The following NXPE2 variants were observed in gnomAD, a reference collection of about 807,000 sequenced individuals.
The protein encoded by NXPE2 is NXPE family member 2.
Under a neutral mutation model 34.4 loss-of-function variants are expected in NXPE2, and 34 were observed. That is an observed-to-expected ratio of 0.99 (90% CI 0.75 to 1.31). The LOEUF (loss-of-function observed/expected upper bound fraction) is 1.31, where lower values mean the gene tolerates loss of function less well. NXPE2 is among the 40% of genes most tolerant of loss of function. The pLI, the probability that NXPE2 is intolerant of heterozygous loss-of-function variation, is 0.00. For missense variants in NXPE2, 649 were observed against 672.5 expected (o/e 0.97, Z 0.39); for synonymous variants, 235 against 231.3 (o/e 1.02, Z -0.15).
the NXPE2 span, among the ~76,000 whole-genome samples, chr11:114,797,956 A>G: frequency 1.3e-5 from 2 of 152,298 alleles, no homozygotes; most frequent in South Asian, 2.1e-4. Context: ...GAAACAGCCA[A>G]TATTTTGTCT....
chr11:114,480,364 C>G, the NXPE2 span, among the ~76,000 whole-genome samples: 3 of 152,196 alleles, frequency 2.0e-5, no homozygotes, highest in African/African-American at 7.2e-5. Context: ...ATGGCCCATA[C>G]AGATTTCTTT....
chr11:114,477,889 C>T, the NXPE2 span, among the ~76,000 whole-genome samples: 2 of 151,876 alleles, frequency 1.3e-5, no homozygotes, highest in African/African-American at 2.4e-5. Flanking sequence ...CTAAAAAGGA[C>T]GAAGTTCTTG....
the NXPE2 span, chr11:114,530,745 G>A: frequency 6.2e-7 from 1 of 1,614,232 alleles, no homozygotes; most frequent in Non-Finnish European, 8.5e-7. Context: ...ATGGGTGAAA[G>A]GTCTGGGTGG....
chr11:114,608,760 T>C, the NXPE2 span, among the ~76,000 whole-genome samples: 1 of 151,676 alleles, frequency 6.6e-6, no homozygotes, highest in Non-Finnish European at 1.5e-5. Flanking sequence ...GGATAATAAG[T>C]ACTGCCTCAT....
chr11:114,531,510 T>C, the NXPE2 span, among the ~76,000 whole-genome samples: 2 of 152,208 alleles, frequency 1.3e-5, no homozygotes, highest in African/African-American at 4.8e-5. Context: ...CCAGTCCTTT[T>C]TAAAGCAAAA....
At chr11:114,777,231 A>G in the NXPE2 span, among the ~76,000 whole-genome samples, 1 of 152,220 alleles carries the variant, frequency 6.6e-6, no homozygotes, top group African/African-American at 2.4e-5. Flanking sequence ...AATTTGCTCA[A>G]TGTTTAGTGG....
chr11:114,611,884 C>T, the NXPE2 span, among the ~76,000 whole-genome samples: 3 of 151,848 alleles, frequency 2.0e-5, no homozygotes, highest in South Asian at 4.1e-4. Flanking sequence ...GAAATATTGC[C>T]TCATGGGTAA....
At chr11:114,582,729 C>G in the NXPE2 span, 1 of 1,614,182 alleles carries the variant, frequency 6.2e-7, no homozygotes, top group Non-Finnish European at 8.5e-7. Context: ...ATATTGCTTC[C>G]TGCGTCCCAA....
chr11:114,538,784 A>G, the NXPE2 span, among the ~76,000 whole-genome samples: 4 of 152,256 alleles, frequency 2.6e-5, no homozygotes, highest in Admixed American at 1.3e-4. Flanking sequence ...TCAGGAAACA[A>G]CAGGTGCTGG....
chr11:114,505,456 A>G, the NXPE2 span, among the ~76,000 whole-genome samples: 1 of 151,316 alleles, frequency 6.6e-6, no homozygotes, highest in African/African-American at 2.5e-5. Context: ...GACAGAAAAA[A>G]TGTTAAAGGC....
Position 114,698,822 on chromosome 11 carries a change from C to T in NXPE2, c.866+44C>T, listed in dbSNP as rs187678982. On this transcript the variant is annotated intron_variant, in intron 3 of 5. Coordinates refer to ENST00000389586, the MANE Select transcript of NXPE2 (RefSeq NM_182495.6). Reference sequence around the variant, plus strand: ...ACAATAGCAGATAAAAAGAGGTATCCGACCAAACTCTGCCTAGTAGTTTTG... The same window carrying T: ...ACAATAGCAGATAAAAAGAGGTATCTGACCAAACTCTGCCTAGTAGTTTTG... 2.5e-4 allele frequency: 355 copies of T among 1,440,884 alleles called. 4 individuals carry two copies. The East Asian group carries it at 8.0e-3, about 32-fold the overall frequency. The allele number at this position is 1,440,884 out of a possible 1,614,324, so 89.3% of individuals were successfully genotyped here.
chr11:114,600,203 A>G, the NXPE2 span, among the ~76,000 whole-genome samples: 2 of 152,210 alleles, frequency 1.3e-5, no homozygotes, highest in African/African-American at 2.4e-5. Flanking sequence ...TAGAGTGCAG[A>G]AAATCAATGA....
the NXPE2 span, among the ~76,000 whole-genome samples, chr11:114,666,337 A>C: frequency 5.3e-5 from 8 of 152,138 alleles, no homozygotes; most frequent in East Asian, 1.2e-3. Flanking sequence ...TTTAAAGTAA[A>C]GTAAAAGTCC....
chr11:114,771,192 G>A, the NXPE2 span, among the ~76,000 whole-genome samples: 2 of 151,684 alleles, frequency 1.3e-5, no homozygotes, highest in African/African-American at 4.9e-5. Flanking sequence ...CAAATGTGGA[G>A]TATTTGCAGA....
chr11:114,706,952 C>A lies in NXPE2; in HGVS notation c.*22C>A. 6.6e-7 allele frequency: 1 copy of A among 1,513,228 alleles called. No homozygotes were observed. The highest frequency in any genetic ancestry group is 8.9e-7 in the Non-Finnish European group (1 of 1,123,646). The allele number at this position is 1,513,228 out of a possible 1,614,324, so 93.7% of individuals were successfully genotyped here. The stretch of plus-strand genomic sequence containing the variant: ...TTAGAGGAAAAATACAAAAATAGCA[C>A]TAGCCACTTTCTATAGATGATCTCA... On this transcript the variant is annotated 3_prime_UTR_variant, in exon 6 of 6. Coordinates refer to ENST00000389586, the MANE Select transcript of NXPE2 (RefSeq NM_182495.6).
the NXPE2 span, among the ~76,000 whole-genome samples, chr11:114,535,111 A>G: frequency 6.6e-6 from 1 of 152,252 alleles, no homozygotes; most frequent in Non-Finnish European, 1.5e-5. Context: ...GCCAGAAGAG[A>G]GTGGGGACCA....
chr11:114,663,577 TCTATCTATC>T, the NXPE2 span, among the ~76,000 whole-genome samples: 3 of 141,912 alleles, frequency 2.1e-5, no homozygotes, highest in Admixed American at 2.1e-4. Context: ...ATCTATCATC[TCTATCTATC>T]ATCTATCTAT....
chr11:114,666,147 C>A, the NXPE2 span, among the ~76,000 whole-genome samples: 1 of 152,142 alleles, frequency 6.6e-6, no homozygotes, highest in South Asian at 2.1e-4. Context: ...TTTCCACTGA[C>A]CTTCTCCTTC....
chr11:114,772,877 C>G, the NXPE2 span, among the ~76,000 whole-genome samples: 1 of 152,158 alleles, frequency 6.6e-6, no homozygotes, highest in Non-Finnish European at 1.5e-5. Context: ...TAGTCTGTCT[C>G]TCTTCATCAG....
Sources: allele counts gnomAD v4.1 joint callset (sites outside exome capture counted in the v4.1 genomes callset), GRCh38; gene constraint gnomAD v4.1.1; transcripts MANE v1.5; gene names NCBI Gene and HGNC (gene_info 2026-07-23, HGNC 2026-07-21).